GRIP2: variants seen among roughly 807,000 people sequenced by gnomAD.
GRIP2 encodes the protein glutamate receptor-interacting protein 2.
Under a neutral mutation model 108.3 loss-of-function variants are expected in GRIP2, and 58 were observed. The ratio of observed to expected loss-of-function variants is 0.54; its 90% CI spans 0.43 to 0.67. The LOEUF is 0.67. Among genes scored for constraint, GRIP2 ranks in the 30% least tolerant of loss-of-function variants. GRIP2 has a pLI of 0.00. For synonymous variants in GRIP2, 586 were observed against 598.2 expected, an observed-to-expected ratio of 0.98 and a Z score of 0.30; for missense variants, 1,278 against 1,430.6, an observed-to-expected ratio of 0.89 and a Z score of 1.72.
intron 21 of GRIP2, among the ~76,000 whole-genome samples, chr3:14,499,299 G>A (rs564507227): frequency 1.3e-5 from 2 of 152,320 alleles, no homozygotes; most frequent in East Asian, 1.9e-4. Flanking sequence ...GCAGCAAGGC[G>A]GGTGCCTGGG....
chr3:14,494,911 C>T lies in GRIP2; in HGVS notation c.2902G>A (p.Val968Ile), dbSNP rs1693540299. The T allele has an allele frequency of 3.7e-6, 6 of 1,613,852 alleles. No individual in the cohort carries two copies. Among genetic ancestry groups the T allele is most frequent in the African/African-American group, 2.7e-5 (2 of 74,940 alleles). The change falls in exon 23 of 24, where the codon GTC becomes ATC. Residue 968 changes from valine to isoleucine, a missense_variant. Physicochemically the swap from Val to Ile is conservative, Grantham distance 29. Coordinates refer to ENST00000621039, the MANE Select transcript of GRIP2 (RefSeq NM_001080423.4). Reference protein sequence around the residue: ...SDGLLEKGVYVHTVRPDGPAH... With the variant: ...SDGLLEKGVYIHTVRPDGPAH... Reference sequence around the variant, plus strand: ...GGCCCATCAGGGCGCACAGTGTGGACATAGACACCTTTTTCCAGGAGGCCA... The same window carrying T: ...GGCCCATCAGGGCGCACAGTGTGGATATAGACACCTTTTTCCAGGAGGCCA...
intron 1 of GRIP2, among the ~76,000 whole-genome samples, chr3:14,551,544 G>T (rs9817049): frequency 0.23 from 34,538 of 152,082 alleles, 4,307 homozygotes; most frequent in South Asian, 0.38. Flanking sequence ...TGTGGGGAGC[G>T]GGGCTCACTC....
upstream of GRIP2, among the ~76,000 whole-genome samples, chr3:14,556,818 G>T (rs549670466): frequency 1.3e-4 from 20 of 152,324 alleles, no homozygotes; most frequent in African/African-American, 4.8e-4. Flanking sequence ...GGGCAGTGTT[G>T]CCCTAGGGGA....
intron 1 of GRIP2, among the ~76,000 whole-genome samples, chr3:14,537,416 C>G (rs974706672): frequency 6.6e-6 from 1 of 152,242 alleles, no homozygotes; most frequent in Non-Finnish European, 1.5e-5. Context: ...TAAATATTTA[C>G]GACTATTTTT....
At chr3:14,571,149 G>A in the GRIP2 span, among the ~76,000 whole-genome samples, 2 of 152,282 alleles carry the variant, frequency 1.3e-5, no homozygotes, top group African/African-American at 4.8e-5. Context: ...TGGTTTGGAC[G>A]TTCTGCTTTC....
At chr3:14,578,859 T>TTC in the GRIP2 span, among the ~76,000 whole-genome samples, 1 of 105,988 alleles carries the variant, frequency 9.4e-6, no homozygotes, top group Non-Finnish European at 2.1e-5. Flanking sequence ...TTTTTTTTTT[T>TTC]CTCTCTCTCT....
rs1404287616 is a variant in GRIP2 at position 14,503,449 on chromosome 3, ATACG to A, written c.2679+113_2679+116del. 3 of 700,932 alleles carry A rather than the reference ATACG, an allele frequency of 4.3e-6. No homozygotes were observed. In the African/African-American group the frequency reaches 5.4e-5, roughly 13 times the overall value. The allele number at this position is 700,932 out of a possible 1,614,324, so 43.4% of individuals were successfully genotyped here. On this transcript the variant is annotated intron_variant, in intron 21 of 23. Coordinates refer to ENST00000621039, the MANE Select transcript of GRIP2 (RefSeq NM_001080423.4). ...TCCCACAGGGTGCCCAGGTGAGTGCATACGTACACATTACACATGAGCATGATGC... is the reference window on the plus strand; with the variant it reads ...TCCCACAGGGTGCCCAGGTGAGTGCATACACATTACACATGAGCATGATGC...
the GRIP2 span, among the ~76,000 whole-genome samples, chr3:14,598,347 G>GACACACACAC: frequency 1.4e-5 from 2 of 147,520 alleles, no homozygotes; most frequent in East Asian, 4.0e-4. Flanking sequence ...ACCACAGGGG[G>GACACACACAC]ACACACACAC....
intron 1 of GRIP2, among the ~76,000 whole-genome samples, chr3:14,526,616 C>T (rs1302023088): frequency 6.6e-6 from 1 of 152,232 alleles, no homozygotes; most frequent in African/African-American, 2.4e-5. Context: ...AGCTCTCTCT[C>T]TTTTGAAAAG....
upstream of GRIP2, among the ~76,000 whole-genome samples, chr3:14,541,006 C>A (rs949277566): frequency 5.9e-5 from 9 of 152,256 alleles, no homozygotes; most frequent in Admixed American, 1.3e-4. Context: ...GATCTGCCCG[C>A]CTCTGGGCTT....
Position 14,505,748 on chromosome 3 carries a change from G to T in GRIP2, c.2440C>A (p.Gln814Lys), listed in dbSNP as rs748600380. The change falls in exon 20 of 24, where the codon CAG becomes AAG. Residue 814 changes from glutamine to lysine, a missense_variant. Physicochemically the swap from Gln to Lys is moderately conservative, Grantham distance 53. Transcript: ENST00000621039. The surrounding 1 kb of genome is among the most constrained non-coding windows in gnomAD (Gnocchi z 4.2). ...PQAAARGTTP[Q>K]ERRPGWLRGS... ...CTCAGCCAGCCAGGCCTCCGCTCCT[G>T]GGGGGTCGTGCCCCGGGCTGCTGCC... The T allele has an allele frequency of 2.6e-5, 41 of 1,577,360 alleles. No individual in the cohort carries two copies. The highest frequency in any genetic ancestry group is 1.3e-5 in the African/African-American group (1 of 74,100).
intron 12 of GRIP2, 54 bp downstream of exon 12, chr3:14,514,238 C>T: frequency 1.4e-6 from 2 of 1,403,670 alleles, no homozygotes; most frequent in Non-Finnish European, 1.9e-6. Context: ...GGTGCTGTGA[C>T]TCAGTTTCTC....
At chr3:14,497,014 T>C (rs1693629809) in intron 21 of GRIP2, among the ~76,000 whole-genome samples, 1 of 149,860 alleles carries the variant, frequency 6.7e-6, no homozygotes, top group African/African-American at 2.5e-5. Flanking sequence ...CAGGCTGGAA[T>C]GCAATGGCAC....
intron 13 of GRIP2, among the ~76,000 whole-genome samples, chr3:14,513,317 T>C (rs1358789301): frequency 1.3e-5 from 2 of 151,890 alleles, no homozygotes; most frequent in Non-Finnish European, 2.9e-5. Flanking sequence ...GTGGAGGGAG[T>C]GTCCTGTCCA....
Position 14,511,386 on chromosome 3 carries a change from T to C in GRIP2, c.1787+27A>G, listed in dbSNP as rs1286293464. On this transcript the variant is annotated intron_variant, in intron 15 of 23. Transcript: ENST00000621039. This position sits in a 1 kb window ranked among gnomAD's most constrained non-coding sequence, Gnocchi z 4.1. ...GCCATACTCACTGCTGTTGGCCACTTCCCTTCCTGTGCCCCAGTGCCCCTA... is the reference window on the plus strand; with the variant it reads ...GCCATACTCACTGCTGTTGGCCACTCCCCTTCCTGTGCCCCAGTGCCCCTA... 6.8e-6 allele frequency: 11 copies of C among 1,613,938 alleles called. No homozygotes were observed. Among genetic ancestry groups the C allele is most frequent in the Non-Finnish European group, 9.3e-6 (11 of 1,179,850 alleles).
At position 14,511,065 on chromosome 3, in the gene GRIP2, C is replaced by G; in HGVS notation, c.1933+100G>C. On this transcript the variant is annotated intron_variant, in intron 16 of 23. Transcript: ENST00000621039. This position sits in a 1 kb window ranked among gnomAD's most constrained non-coding sequence, Gnocchi z 4.1. ...GCCAGCCTTCAGCAGCGCCCACCAC[C>G]CTCCCTTCCTCGGCTGGAGGGAGCC... 1 of 1,402,864 alleles carries G rather than the reference C, an allele frequency of 7.1e-7. No homozygotes were observed. The highest frequency in any genetic ancestry group is 9.7e-7 in the Non-Finnish European group (1 of 1,027,378). 86.9% of individuals were successfully genotyped at this position (1,402,864 alleles called of 1,614,324 possible).
chr3:14,511,157 G>A lies in GRIP2; in HGVS notation c.1933+8C>T, dbSNP rs932226979. The stretch of plus-strand genomic sequence containing the variant: ...TCTGGAGGTAGGAGGCCAGCATGAG[G>A]GCCATACCAGAGTTGTCCTCGTCCT... On this transcript the variant is annotated splice_region_variant and intron_variant, in intron 16 of 23. Coordinates refer to ENST00000621039, the MANE Select transcript of GRIP2 (RefSeq NM_001080423.4). This position sits in a 1 kb window ranked among gnomAD's most constrained non-coding sequence, Gnocchi z 4.1. 1 of 1,613,652 alleles carries A rather than the reference G, an allele frequency of 6.2e-7. No homozygotes were observed.
intron 1 of GRIP2, among the ~76,000 whole-genome samples, chr3:14,547,885 G>C (rs755595745): frequency 6.6e-6 from 1 of 152,208 alleles, no homozygotes; most frequent in Non-Finnish European, 1.5e-5. Context: ...AGAAACCCAA[G>C]TTCAAAGTCC....
chr3:14,565,507 G>T, the GRIP2 span, among the ~76,000 whole-genome samples: 19,171 of 152,098 alleles, frequency 0.13, 1,321 homozygotes, highest in South Asian at 0.2. Context: ...GAACCAACCC[G>T]CACAGCTGGG....
Sources: gnomAD v4.1 joint callset for allele counts (sites outside exome capture counted in the v4.1 genomes callset) on GRCh38, gnomAD v4.1.1 for gene constraint, Gnocchi (gnomAD v3.1) non-coding constraint, MANE v1.5 for transcripts, NCBI Gene and HGNC (gene_info 2026-07-23, HGNC 2026-07-21) for gene names.